CHIC1: variants seen among roughly 807,000 people sequenced by gnomAD.
CHIC1 encodes cysteine rich hydrophobic domain 1, also known as cysteine-rich hydrophobic domain-containing protein 1.
A neutral mutation model predicts 18.5 loss-of-function variants in CHIC1; 7 were observed. The ratio of observed to expected loss-of-function variants is 0.38; its 90% confidence interval spans 0.22 to 0.71. CHIC1 has a LOEUF of 0.71. CHIC1 is among the 30% of genes least tolerant of loss of function. CHIC1 has a pLI of 0.49. For synonymous variants in CHIC1, 77 were observed against 73.5 expected (o/e 1.05, Z -0.25); for missense variants, 159 against 176.9 (o/e 0.90, Z 0.57).
intron 3 of CHIC1, among the ~76,000 whole-genome samples, chrX:73,602,047 A>T (rs1283819520): frequency 1.9e-5 from 2 of 105,007 alleles, no homozygotes; most frequent in African/African-American, 7.5e-5. Flanking sequence ...TAGACCAGTA[A>T]CAGGTTCAGA....
chrX:73,633,742 T>C (rs1475577062), intron 3 of CHIC1, among the ~76,000 whole-genome samples: 2 of 111,489 alleles, frequency 1.8e-5, no homozygotes, highest in East Asian at 5.6e-4. Context: ...TTTTTCTTTT[T>C]CTCCCTATAA....
chrX:73,570,953 T>C (rs1169022041), intron 1 of CHIC1, among the ~76,000 whole-genome samples: 1 of 110,953 alleles, frequency 9.0e-6, no homozygotes, highest in Non-Finnish European at 1.9e-5. Flanking sequence ...GATGGACTTG[T>C]CATTTTGAGT....
In CHIC1 at chrX:73,683,761, T is replaced by C. The variant is rs2058109180; in HGVS notation, c.*2756T>C. 8.9e-6 allele frequency: 1 copy of C among 112,143 alleles called. No homozygotes were observed. The highest frequency in any genetic ancestry group is 1.9e-5 in the Non-Finnish European group (1 of 52,947). The allele number at this position is 112,143 out of a possible 1,213,427, so 9.2% of individuals were successfully genotyped here. On this transcript the variant is annotated 3_prime_UTR_variant, in exon 6 of 6. Coordinates refer to ENST00000373502, the MANE Select transcript of CHIC1 (RefSeq NM_001039840.4). ...AATTAATGTTCCAATGTTTCTCATT[T>C]GGCCCAAGATTCTGGCTTCATAAAT... is the stretch of plus-strand genomic sequence containing the variant.
At chrX:73,678,615 T>C (rs1040599174) in intron 3 of CHIC1, among the ~76,000 whole-genome samples, 3 of 112,289 alleles carry the variant, frequency 2.7e-5, no homozygotes, top group Non-Finnish European at 5.6e-5. Flanking sequence ...GCTAGGTAGG[T>C]TTCATCTTTT....
At chrX:73,567,541 A>C (rs1304541473) in intron 1 of CHIC1, among the ~76,000 whole-genome samples, 3 of 110,880 alleles carry the variant, frequency 2.7e-5, no homozygotes, top group South Asian at 3.8e-4. Context: ...GGACCCTTTC[A>C]CTACCCTAGC....
At position 73,682,760 on chromosome X, in the gene CHIC1, G is replaced by A. The variant is rs1262327766; in HGVS notation, c.*1755G>A. On this transcript the variant is annotated 3_prime_UTR_variant, in exon 6 of 6. Coordinates refer to ENST00000373502, the MANE Select transcript of CHIC1 (RefSeq NM_001039840.4). ...ATGTGTATGCCTGCAAATATTATGTGTTTGCCTGCTGCAAAATTGAAGGTG... is the reference window on the plus strand; with the variant it reads ...ATGTGTATGCCTGCAAATATTATGTATTTGCCTGCTGCAAAATTGAAGGTG... The A allele has an allele frequency of 9.0e-6, 1 of 111,648 alleles. No individual in the cohort carries two copies. Among genetic ancestry groups the A allele is most frequent in the East Asian group, 2.8e-4 (1 of 3,565 alleles). The allele number at this position is 111,648 out of a possible 1,213,427, so 9.2% of individuals were successfully genotyped here.
At chrX:73,643,752 T>G (rs1302582532) in intron 3 of CHIC1, among the ~76,000 whole-genome samples, 1 of 111,955 alleles carries the variant, frequency 8.9e-6, no homozygotes, top group African/African-American at 3.3e-5. Context: ...CATTGGTTAT[T>G]CTTGGTATCC....
intron 3 of CHIC1, among the ~76,000 whole-genome samples, chrX:73,674,224 G>T (rs2058048902): frequency 9.0e-6 from 1 of 111,530 alleles, no homozygotes; most frequent in Non-Finnish European, 1.9e-5. Flanking sequence ...CCAGGCTTTG[G>T]TATCAGGATG....
At chrX:73,625,568 A>G (rs1217946597) in intron 3 of CHIC1, among the ~76,000 whole-genome samples, 1 of 111,023 alleles carries the variant, frequency 9.0e-6, no homozygotes, top group Non-Finnish European at 1.9e-5. Flanking sequence ...CCCTTTAGGG[A>G]AAAAAAAGCT....
intron 3 of CHIC1, among the ~76,000 whole-genome samples, chrX:73,598,038 G>C (rs1331683455): frequency 9.0e-6 from 1 of 111,405 alleles, no homozygotes; most frequent in Non-Finnish European, 1.9e-5. Context: ...CATTTGGGTT[G>C]GTTCCAAGTC....
At position 73,584,654 on chromosome X, in the gene CHIC1, G is replaced by A. The variant is rs988256564; in HGVS notation, c.507+82G>A. The A allele has an allele frequency of 8.6e-6, 6 of 701,677 alleles. No individual in the cohort carries two copies. The African/African-American group carries it at 1.1e-4, about 13-fold the overall frequency. The allele number at this position is 701,677 out of a possible 1,213,427, so 57.8% of individuals were successfully genotyped here. ...ACTATGTGCTATGAACTCTTTTCAA[G>A]TACTTTACACAATTTAGTTAATTCT... On this transcript the variant is annotated intron_variant, in intron 3 of 5. Coordinates refer to ENST00000373502, the MANE Select transcript of CHIC1 (RefSeq NM_001039840.4).
At chrX:73,632,267 A>AT (rs1381398448) in intron 3 of CHIC1, among the ~76,000 whole-genome samples, 1 of 111,518 alleles carries the variant, frequency 9.0e-6, no homozygotes, top group Non-Finnish European at 1.9e-5. Context: ...GACTGAAAAT[A>AT]TTTTTTCCAG....
Position 73,684,707 on chromosome X carries a change from A to T in CHIC1, c.*3702A>T, listed in dbSNP as rs1263952446. On this transcript the variant is annotated 3_prime_UTR_variant, in exon 6 of 6. Transcript: ENST00000373502. Reference sequence around the variant, plus strand: ...GTATACTTTAAAAATATTTTGCAACAACTGTCAAATTATTTGGGTTCCTTT... The same window carrying T: ...GTATACTTTAAAAATATTTTGCAACTACTGTCAAATTATTTGGGTTCCTTT... 2 of 111,607 alleles carry T rather than the reference A, an allele frequency of 1.8e-5. No homozygotes were observed. The allele number at this position is 111,607 out of a possible 1,213,427, so 9.2% of individuals were successfully genotyped here. A position where few individuals can be genotyped will look rare whatever the true frequency, so the allele number is the denominator to read the frequency against.
intron 3 of CHIC1, among the ~76,000 whole-genome samples, chrX:73,671,040 G>A (rs1490523688): frequency 8.9e-6 from 1 of 111,998 alleles, no homozygotes; most frequent in Non-Finnish European, 1.9e-5. Context: ...CTATAGTGCA[G>A]TTTAAGTCTG....
intron 3 of CHIC1, among the ~76,000 whole-genome samples, chrX:73,675,499 C>T (rs1409905213): frequency 1.8e-5 from 2 of 111,595 alleles, no homozygotes; most frequent in Non-Finnish European, 3.8e-5. Flanking sequence ...CCTTCTTTGT[C>T]TCTTTTGATC....
At position 73,655,460 on chromosome X, in the gene CHIC1, GTGTATATATATATACATATATACACAATA is replaced by G. The variant is rs2057939554; in HGVS notation, c.508-23864_508-23836del. On this transcript the variant is annotated intron_variant, in intron 3 of 5. Coordinates refer to ENST00000373502, the MANE Select transcript of CHIC1 (RefSeq NM_001039840.4). Reference sequence around the variant, plus strand: ...TATATATACATATATACACAATATTGTGTATATATATATACATATATACACAATATTGTGTATATATATATACATATATA... The same window carrying G: ...TATATATACATATATACACAATATTGTTGTGTATATATATATACATATATA... Among the ~76,000 whole-genome samples the G allele has an allele frequency of 7.5e-5, 3 of 39,855 alleles. 1 individual carries two copies. The highest frequency in any genetic ancestry group is 2.3e-4 in the African/African-American group (3 of 12,984). The allele number at this position is 39,855 out of a possible 115,157, so 34.6% of individuals were successfully genotyped here. A position where few individuals can be genotyped will look rare whatever the true frequency, so the allele number is the denominator to read the frequency against.
chrX:73,603,456 T>G (rs1265311829), intron 3 of CHIC1, among the ~76,000 whole-genome samples: 8 of 108,072 alleles, frequency 7.4e-5, no homozygotes, highest in Non-Finnish European at 1.5e-4. Context: ...GCAGAGACTA[T>G]TTGACTTCCT....
intron 3 of CHIC1, among the ~76,000 whole-genome samples, chrX:73,644,669 T>C (rs948973940): frequency 3.3e-4 from 37 of 112,611 alleles, no homozygotes; most frequent in African/African-American, 1.2e-3. Context: ...TCCATGGGCG[T>C]AGGACCCTCC....
intron 3 of CHIC1, among the ~76,000 whole-genome samples, chrX:73,623,420 C>T (rs1488533035): frequency 9.0e-6 from 1 of 110,531 alleles, no homozygotes; most frequent in African/African-American, 3.3e-5. Context: ...TTGCATTGAT[C>T]CCTTTACCTA....
Sources: gnomAD v4.1 joint callset for allele counts (sites outside exome capture counted in the v4.1 genomes callset) on GRCh38, gnomAD v4.1.1 for gene constraint, MANE v1.5 for transcripts, NCBI Gene and HGNC (gene_info 2026-07-23, HGNC 2026-07-21) for gene names.